The following CNBD2 variants were observed in gnomAD, a reference collection of about 807,000 sequenced individuals.
The protein encoded by CNBD2 is cyclic nucleotide binding domain containing 2.
CNBD2 carries 64 observed loss-of-function variants against 63.7 expected under a neutral mutation model. The ratio of observed to expected loss-of-function variants is 1.00; its 90% CI spans 0.82 to 1.24. The LOEUF is 1.24. Ranked by LOEUF, CNBD2 falls within the 50% of genes most tolerant of loss-of-function variation. CNBD2 has a pLI of 0.00. For missense variants in CNBD2, 691 were observed against 713.5 expected, an observed-to-expected ratio of 0.97 and a Z score of 0.36; for synonymous variants, 229 against 255.4, an observed-to-expected ratio of 0.90 and a Z score of 0.99.
intron 10 of CNBD2, among the ~76,000 whole-genome samples, chr20:36,023,142 G>C (rs752254833): frequency 6.6e-6 from 1 of 152,158 alleles, no homozygotes; most frequent in East Asian, 1.9e-4. Flanking sequence ...TGTAGCAAAA[G>C]GGGCCCAGGA....
chr20:35,990,811 CGTG>C (rs910509819), intron 7 of CNBD2, among the ~76,000 whole-genome samples: 1 of 150,854 alleles, frequency 6.6e-6, no homozygotes, highest in Non-Finnish European at 1.5e-5. Context: ...ACTAGCCAGG[CGTG>C]GTGGTGTGCA....
At chr20:36,006,393 A>C (rs148138755) in intron 8 of CNBD2, among the ~76,000 whole-genome samples, 34 of 151,758 alleles carry the variant, frequency 2.2e-4, no homozygotes, top group African/African-American at 7.2e-4. Context: ...CACATATTTT[A>C]TGTGTATAGT....
chr20:35,965,795 G>A (rs1411317087), upstream of CNBD2, among the ~76,000 whole-genome samples: 1 of 152,152 alleles, frequency 6.6e-6, no homozygotes, highest in Non-Finnish European at 1.5e-5. Flanking sequence ...ATAATTTCAG[G>A]CTTATTGATT....
At chr20:36,018,779 G>A (rs1453718372) in intron 10 of CNBD2, among the ~76,000 whole-genome samples, 1 of 152,192 alleles carries the variant, frequency 6.6e-6, no homozygotes, top group African/African-American at 2.4e-5. Flanking sequence ...CAGAGCCATG[G>A]GCAGCGCAGA....
intron 3 of CNBD2, among the ~76,000 whole-genome samples, chr20:35,977,044 A>C (rs1455232061): frequency 1.3e-5 from 2 of 152,146 alleles, no homozygotes. Flanking sequence ...GTGACTCTTC[A>C]GCTCTTCAGG....
intron 10 of CNBD2, among the ~76,000 whole-genome samples, chr20:36,022,135 A>T (rs1225462618): frequency 6.7e-6 from 1 of 149,464 alleles, no homozygotes; most frequent in Non-Finnish European, 1.5e-5. Flanking sequence ...CAGCCTCCCA[A>T]GTAGCTGGGA....
chr20:36,005,719 G>A (rs757455916), intron 8 of CNBD2, among the ~76,000 whole-genome samples: 48 of 152,110 alleles, frequency 3.2e-4, no homozygotes, highest in Admixed American at 9.2e-4. Flanking sequence ...GGGAGGCCGA[G>A]GTAGACGGAT....
At chr20:35,960,943 C>T (rs11700299) in intron 2 of CNBD2, among the ~76,000 whole-genome samples, 14,747 of 151,096 alleles carry the variant, frequency 0.098, 779 homozygotes, top group South Asian at 0.16. Flanking sequence ...CCCCCTCCTC[C>T]CGCTTTTTCT....
intron 4 of CNBD2, among the ~76,000 whole-genome samples, chr20:35,982,108 C>T (rs1319687824): frequency 6.6e-6 from 1 of 152,076 alleles, no homozygotes; most frequent in Non-Finnish European, 1.5e-5. Flanking sequence ...TGTTGGTTCC[C>T]CTGCTGCTGG....
intron 9 of CNBD2, among the ~76,000 whole-genome samples, chr20:36,010,711 A>G (rs894636732): frequency 6.6e-6 from 1 of 152,198 alleles, no homozygotes; most frequent in Middle Eastern, 3.4e-3. Context: ...TGCAGTGAGC[A>G]GAGATCCCAT....
Position 36,015,673 on chromosome 20 carries a change from C to T in CNBD2, c.1269+4416C>T, listed in dbSNP as rs186512837. On this transcript the variant is annotated intron_variant, in intron 10 of 11. Coordinates refer to ENST00000373973, the MANE Select transcript of CNBD2 (RefSeq NM_001365709.1). Reference sequence around the variant, plus strand: ...CATATGGGGGCCACCTAAAAGATCTCCCAATGGTCAAAGCTGAAACAATTT... The same window carrying T: ...CATATGGGGGCCACCTAAAAGATCTTCCAATGGTCAAAGCTGAAACAATTT... Among the ~76,000 whole-genome samples the T allele has an allele frequency of 1.7e-3, 257 of 152,194 alleles. 4 individuals carry two copies. The highest frequency in any genetic ancestry group is 5.8e-3 in the African/African-American group (241 of 41,538).
At chr20:35,995,256 C>T (rs918231634) in intron 8 of CNBD2, 104 bp downstream of exon 8, 6 of 724,470 alleles carry the variant, frequency 8.3e-6, no homozygotes, top group Admixed American at 4.6e-5. Flanking sequence ...AGCCTGACAG[C>T]GTATATCATC....
At chr20:35,964,891 C>G (rs1481580732), upstream of CNBD2, among the ~76,000 whole-genome samples, 2 of 151,398 alleles carry the variant, frequency 1.3e-5, no homozygotes, top group African/African-American at 4.9e-5. Context: ...TTAGTAGAGA[C>G]AGGGTTTCAT....
intron 8 of CNBD2, among the ~76,000 whole-genome samples, chr20:36,005,979 A>C (rs1189650007): frequency 6.6e-6 from 1 of 151,696 alleles, no homozygotes; most frequent in Non-Finnish European, 1.5e-5. Context: ...ACAAAACAAA[A>C]CAAACAAAAG....
chr20:36,029,884 G>A (rs1234097982), intron 11 of CNBD2, among the ~76,000 whole-genome samples: 1 of 151,858 alleles, frequency 6.6e-6, no homozygotes, highest in Admixed American at 6.6e-5. Context: ...TGAGGTGAGG[G>A]GGAGGGCAGA....
chr20:36,020,585 T>A (rs543188214), intron 10 of CNBD2, among the ~76,000 whole-genome samples: 1 of 152,350 alleles, frequency 6.6e-6, no homozygotes, highest in Non-Finnish European at 1.5e-5. Flanking sequence ...AATTATAAGA[T>A]GATTGACCGT....
intron 7 of CNBD2, among the ~76,000 whole-genome samples, chr20:35,989,488 C>T (rs1568880923): frequency 6.6e-6 from 1 of 152,154 alleles, no homozygotes; most frequent in Non-Finnish European, 1.5e-5. Context: ...AGAGGGAACT[C>T]TCTAAAGGCT....
At chr20:35,995,935 A>G (rs916988864) in intron 8 of CNBD2, among the ~76,000 whole-genome samples, 1 of 152,212 alleles carries the variant, frequency 6.6e-6, no homozygotes, top group Admixed American at 6.5e-5. Flanking sequence ...GAGGGGCTGC[A>G]TCTGGTGAAG....
intron 10 of CNBD2, among the ~76,000 whole-genome samples, chr20:36,022,462 T>C (rs1173509129): frequency 6.6e-6 from 1 of 151,878 alleles, no homozygotes; most frequent in Non-Finnish European, 1.5e-5. Context: ...CCTCCCAAAG[T>C]TCTAGGATTA....
Sources: allele counts gnomAD v4.1 joint callset (sites outside exome capture counted in the v4.1 genomes callset), GRCh38; gene constraint gnomAD v4.1.1; transcripts MANE v1.5; gene names NCBI Gene and HGNC (gene_info 2026-07-23, HGNC 2026-07-21).